DIDO1: variants seen among roughly 807,000 people sequenced by gnomAD.
DIDO1 encodes the protein death inducer-obliterator 1.
Under a neutral mutation model 99.4 loss-of-function variants are expected in DIDO1, and 16 were observed. That is an observed-to-expected ratio of 0.16 (90% CI 0.11 to 0.24). The LOEUF is 0.24. Ranked by LOEUF, DIDO1 falls within the 10% of genes least tolerant of loss-of-function variation. The pLI is 1.00. For synonymous variants in DIDO1, 1,366 were observed against 1,239.1 expected (o/e 1.10, Z -2.15); for missense variants, 2,996 against 3,014.0 (o/e 0.99, Z 0.14).
intron 15 of DIDO1, chr20:62,889,029 G>A (rs974783495): frequency 1.0e-6 from 1 of 985,368 alleles, no homozygotes; most frequent in Non-Finnish European, 1.2e-6. Context: ...GGGCTTTTGT[G>A]TGTCCCCGTC....
chr20:62,879,714 T>G lies in DIDO1; in HGVS notation c.6242A>C (p.Gln2081Pro), dbSNP rs771983925. ...CTCTCTCTGCCTCCCTTCGAAAGTC[T>G]GGTTTCTGTATTCGTGGCCTTTCCC... ...REGKGHEYRN[Q>P]TFEGRQRERF... is the part of the protein sequence containing the mutation. Residue 2081 changes from glutamine (Q) to proline (P), a missense_variant, in exon 16 of 16, where the codon CAG becomes CCG. By Grantham distance (76) the Gln-to-Pro change is moderately conservative. Coordinates refer to ENST00000395343, the MANE Select transcript of DIDO1 (RefSeq NM_001193369.2). This position sits in a 1 kb window ranked among gnomAD's most constrained non-coding sequence, Gnocchi z 6.3. The G allele has an allele frequency of 6.2e-7, 1 of 1,611,624 alleles. No individual in the cohort carries two copies. The highest frequency in any genetic ancestry group is 2.2e-5 in the East Asian group (1 of 44,852).
upstream of DIDO1, chr20:62,928,673 A>G (rs958809558): frequency 6.6e-6 from 1 of 152,244 alleles, no homozygotes; most frequent in Non-Finnish European, 1.5e-5. Flanking sequence ...GGAGGAAACA[A>G]ACTCTTCAGT....
At chr20:62,921,386 T>C (rs1461162544) in intron 1 of DIDO1, among the ~76,000 whole-genome samples, 2 of 152,222 alleles carry the variant, frequency 1.3e-5, no homozygotes, top group Non-Finnish European at 2.9e-5. Flanking sequence ...TGCTGGAGCC[T>C]GAAAGGCTGC....
At position 62,894,172 on chromosome 20, in the gene DIDO1, A is replaced by G. The variant is rs1426361579; in HGVS notation, c.2595T>C (p.Asp865=). Residue 865 remains aspartate, a synonymous_variant, in exon 12 of 16, where the codon GAT becomes GAC. Coordinates refer to ENST00000395343, the MANE Select transcript of DIDO1 (RefSeq NM_001193369.2). This position sits in a 1 kb window ranked among gnomAD's most constrained non-coding sequence, Gnocchi z 4.4. Reference sequence around the variant, plus strand: ...ATTTTTGTTTTTTCGGAGCTGGCTCATCTTCTGCGGAGGGAACCTGGCCTG... The same window carrying G: ...ATTTTTGTTTTTTCGGAGCTGGCTCGTCTTCTGCGGAGGGAACCTGGCCTG... ...ICTGQVPSAE[D]EPAPKKQKLS... 1.9e-6 allele frequency: 3 copies of G among 1,613,682 alleles called. No individual in the cohort carries two copies. Among genetic ancestry groups the G allele is most frequent in the Non-Finnish European group, 2.5e-6 (3 of 1,179,718 alleles).
intron 1 of DIDO1, 57 bp downstream of exon 1, chr20:62,926,382 G>T (rs938098043): frequency 6.6e-5 from 10 of 151,990 alleles, no homozygotes; most frequent in Non-Finnish European, 1.5e-4. Context: ...TCCCGAGGGC[G>T]GCCCAAGCGG....
rs770318645 is a variant in DIDO1 at position 62,894,001 on chromosome 20, T to G, written c.2766A>C (p.Pro922=). The part of the protein sequence containing the change: ...SEPGLESASH[P]NVDRTYFPGP... ...CAGGGAAATACGTTCTGTCCACATT[T>G]GGATGAGAAGCACTTTCTAGGCCTG... Residue 922 remains proline (P), a synonymous_variant, in exon 12 of 16, where the codon CCA becomes CCC. Coordinates refer to ENST00000395343, the MANE Select transcript of DIDO1 (RefSeq NM_001193369.2). The surrounding 1 kb of genome is among the most constrained non-coding windows in gnomAD (Gnocchi z 4.4). 15 of 1,614,032 alleles carry G rather than the reference T, an allele frequency of 9.3e-6. No homozygotes were observed. Among genetic ancestry groups the G allele is most frequent in the Non-Finnish European group, 1.3e-5 (15 of 1,180,030 alleles).
intron 6 of DIDO1, chr20:62,905,553 G>A: frequency 6.4e-7 from 1 of 1,551,068 alleles, no homozygotes; most frequent in Non-Finnish European, 8.7e-7. Context: ...CGGGCAGTGT[G>A]GCTATGCAAT....
chr20:62,906,698 TA>T (rs1419840567), intron 5 of DIDO1, among the ~76,000 whole-genome samples: 1 of 103,214 alleles, frequency 9.7e-6, no homozygotes, highest in East Asian at 3.2e-4. Context: ...TTGCGATCTC[TA>T]AACATTCCAA....
At chr20:62,936,776 A>G (rs886073732) in intron 1 of DIDO1, among the ~76,000 whole-genome samples, 13 of 152,076 alleles carry the variant, frequency 8.5e-5, no homozygotes, top group Non-Finnish European at 1.3e-4. Flanking sequence ...AGGCAGGAGA[A>G]TCGCTTGAAC....
chr20:62,895,827 G>T lies in DIDO1; in HGVS notation c.2214+406C>A, dbSNP rs1555842245. ...GCAGCCCAAACCATCAGGCTCACTC[G>T]GCTGATGAGGAATATGAGAAAATAA... On this transcript the variant is annotated intron_variant, in intron 8 of 15. Transcript: ENST00000395343. 2.0e-5 allele frequency among the ~76,000 whole-genome samples: 3 copies of T among 152,176 alleles called. No individual in the cohort carries two copies. In the South Asian group the frequency reaches 6.2e-4, roughly 31 times the overall value.
intron 3 of DIDO1, 59 bp downstream of exon 3, chr20:62,910,715 C>G (rs978085299): frequency 1.9e-6 from 3 of 1,550,932 alleles, no homozygotes; most frequent in Non-Finnish European, 2.6e-6. Context: ...AAAATGAAAA[C>G]AAATGGAAAA....
At position 62,881,497 on chromosome 20, in the gene DIDO1, C is replaced by T. The variant is rs750199548; in HGVS notation, c.4459G>A (p.Glu1487Lys). ...KMLEELNKQI[E>K]EQKRQLEEQE... ...TCCTCCAGCTGTCTCTTCTGCTCCT[C>T]GATCTGTTTGTTCAGCTCTTCTAGC... The change falls in exon 16 of 16, where the codon GAG becomes AAG. Residue 1487 changes from glutamate to lysine, a missense_variant. By Grantham distance (56) the Glu-to-Lys change is moderately conservative. Coordinates refer to ENST00000395343, the MANE Select transcript of DIDO1 (RefSeq NM_001193369.2). This position sits in a 1 kb window ranked among gnomAD's most constrained non-coding sequence, Gnocchi z 8.3. The T allele has an allele frequency of 1.2e-6, 2 of 1,610,868 alleles. No individual in the cohort carries two copies. The highest frequency in any genetic ancestry group is 1.7e-5 in the Admixed American group (1 of 60,028).
intron 4 of DIDO1, among the ~76,000 whole-genome samples, chr20:62,908,048 T>A (rs934371985): frequency 6.6e-6 from 1 of 152,058 alleles, no homozygotes; most frequent in Non-Finnish European, 1.5e-5. Flanking sequence ...GGCACAATCA[T>A]AGCTCACTGC....
At chr20:62,924,597 A>G (rs2065217850) in intron 1 of DIDO1, among the ~76,000 whole-genome samples, 1 of 152,198 alleles carries the variant, frequency 6.6e-6, no homozygotes, top group African/African-American at 2.4e-5. Context: ...ACCGCGAACA[A>G]AACGGGAGCC....
Position 62,894,127 on chromosome 20 carries a change from T to C in DIDO1, c.2640A>G (p.Lys880=), listed in dbSNP as rs1306160127. 8 of 1,614,142 alleles carry C rather than the reference T, an allele frequency of 5.0e-6. No individual in the cohort carries two copies. The highest frequency in any genetic ancestry group is 1.3e-5 in the African/African-American group (1 of 74,942). The change falls in exon 12 of 16, where the codon AAA becomes AAG. Residue 880 remains lysine (K), a synonymous_variant. Coordinates refer to ENST00000395343, the MANE Select transcript of DIDO1 (RefSeq NM_001193369.2). The surrounding 1 kb of genome is among the most constrained non-coding windows in gnomAD (Gnocchi z 4.4). The part of the protein sequence containing the change: ...KKQKLSASVK[K]EDLKSKHDSS... ...TGTCATGCTTTGATTTTAAGTCTTC[T>C]TTCTTAACAGAAGCTGACAATTTTT...
At chr20:62,924,457 C>T (rs2065215399) in intron 1 of DIDO1, among the ~76,000 whole-genome samples, 1 of 152,158 alleles carries the variant, frequency 6.6e-6, no homozygotes, top group Admixed American at 6.5e-5. Flanking sequence ...ACAATGAAGA[C>T]GTGGCACAGC....
chr20:62,910,044 T>C (rs1227658346), intron 3 of DIDO1, 24 bp from the exon 4 acceptor site: 4 of 1,593,684 alleles, frequency 2.5e-6, no homozygotes, highest in Non-Finnish European at 3.4e-6. Flanking sequence ...ATAACGGTAT[T>C]AGCAATGGGA....
At chr20:62,889,619 C>T (rs2064358625) in intron 15 of DIDO1, 1 of 985,320 alleles carries the variant, frequency 1.0e-6, no homozygotes, top group African/African-American at 1.7e-5. Flanking sequence ...AGGCCAGCTT[C>T]TCGGTCTTCA....
chr20:62,918,025 A>G (rs1785924019), intron 1 of DIDO1, among the ~76,000 whole-genome samples: 1 of 152,232 alleles, frequency 6.6e-6, no homozygotes, highest in African/African-American at 2.4e-5. Flanking sequence ...ATACATACCT[A>G]TGCTTCAGAC....
Sources: gnomAD v4.1 joint callset for allele counts (sites outside exome capture counted in the v4.1 genomes callset) on GRCh38, gnomAD v4.1.1 for gene constraint, Gnocchi (gnomAD v3.1) non-coding constraint, MANE v1.5 for transcripts, NCBI Gene and HGNC (gene_info 2026-07-23, HGNC 2026-07-21) for gene names.